RADIL: variants seen among roughly 807,000 people sequenced by gnomAD.
RADIL encodes the protein Rap associating with DIL domain, also known as ras-associating and dilute domain-containing protein.
Under a neutral mutation model 97.6 loss-of-function variants are expected in RADIL, and 99 were observed. That is an observed-to-expected ratio of 1.01 (90% CI 0.86 to 1.20). The LOEUF is 1.20. Among genes scored for constraint, RADIL ranks in the 50% most tolerant of loss-of-function variants. The pLI is 0.00. For missense variants in RADIL, 1,765 were observed against 1,498.9 expected (o/e 1.18, Z -2.93); for synonymous variants, 803 against 691.8 (o/e 1.16, Z -2.52).
intron 9 of RADIL, chr7:4,806,098 G>T: frequency 1.1e-6 from 1 of 946,354 alleles, no homozygotes; most frequent in Non-Finnish European, 1.3e-6. Context: ...AAACCTGCCT[G>T]GAAGGCAGGG....
intron 2 of RADIL, chr7:4,859,411 T>C (rs1783916630): frequency 6.4e-6 from 1 of 155,414 alleles, no homozygotes. Context: ...AGCTGAAAGG[T>C]TTTTTCATTT....
intron 5 of RADIL, among the ~76,000 whole-genome samples, chr7:4,828,869 A>G (rs1357706093): frequency 2.6e-5 from 4 of 151,438 alleles, no homozygotes; most frequent in South Asian, 2.1e-4. Flanking sequence ...CTTCCCGTCA[A>G]CGAGGAAGCT....
At chr7:4,811,709 G>A (rs953194839) in intron 9 of RADIL, among the ~76,000 whole-genome samples, 8 of 151,608 alleles carry the variant, frequency 5.3e-5, no homozygotes, top group Admixed American at 1.3e-4. Context: ...GGATGGTCTC[G>A]ATCTCCTGAC....
intron 8 of RADIL, among the ~76,000 whole-genome samples, 197 bp downstream of exon 8, chr7:4,816,031 C>G (rs1782669141): frequency 6.6e-6 from 1 of 152,192 alleles, no homozygotes; most frequent in African/African-American, 2.4e-5. Context: ...CGATGGGACC[C>G]TGGCTCCTAC....
intron 9 of RADIL, chr7:4,808,630 G>A: frequency 1.0e-6 from 1 of 985,110 alleles, no homozygotes; most frequent in Non-Finnish European, 1.2e-6. Flanking sequence ...CCGCGGCCCT[G>A]GTCTCTCCTT....
chr7:4,881,447 C>T (rs1469786065), intron 1 of RADIL, among the ~76,000 whole-genome samples: 1 of 138,582 alleles, frequency 7.2e-6, no homozygotes, highest in Non-Finnish European at 1.5e-5. Flanking sequence ...CAAAAATTGG[C>T]TGGGCATGGT....
At chr7:4,823,393 C>T (rs1209664945) in intron 5 of RADIL, among the ~76,000 whole-genome samples, 1 of 143,242 alleles carries the variant, frequency 7.0e-6, no homozygotes, top group Non-Finnish European at 1.5e-5. Context: ...TGCTCTTGAA[C>T]TCCTAGCCTT....
Position 4,797,569 on chromosome 7 carries a change from G to T in RADIL, c.*1809C>A, listed in dbSNP as rs1781956757. 6.6e-6 allele frequency: 1 copy of T among 152,106 alleles called. No individual in the cohort carries two copies. The highest frequency in any genetic ancestry group is 6.6e-5 in the Admixed American group (1 of 15,256). 9.4% of individuals were successfully genotyped at this position (152,106 alleles called of 1,614,324 possible). A position where few individuals can be genotyped will look rare whatever the true frequency, so the allele number is the denominator to read the frequency against. On this transcript the variant is annotated 3_prime_UTR_variant, in exon 15 of 15. Transcript: ENST00000399583. ...TACTCAACCCCCTTCCACCGTTAAG[G>T]CATCAAATCAGAGTCCAGGATCCTG...
rs1782042466 is a variant in RADIL at position 4,800,392 on chromosome 7, T to C, written c.2843-82A>G. 3 of 1,351,802 alleles carry C rather than the reference T, an allele frequency of 2.2e-6. No homozygotes were observed. In the South Asian group the frequency reaches 4.8e-5, roughly 22 times the overall value. 83.7% of individuals were successfully genotyped at this position (1,351,802 alleles called of 1,614,324 possible). Reference sequence around the variant, plus strand: ...AATGGGATGTCCTGGCCTGGCTGCCTCTGTAGGGCGTCAGGGATGGGATGG... The same window carrying C: ...AATGGGATGTCCTGGCCTGGCTGCCCCTGTAGGGCGTCAGGGATGGGATGG... On this transcript the variant is annotated intron_variant, in intron 12 of 14. Transcript: ENST00000399583.
rs187967228 is a variant in RADIL, at chr7:4,863,770, A to G, written c.535+13835T>C. On this transcript the variant is annotated intron_variant, in intron 2 of 14. Coordinates refer to ENST00000399583, the MANE Select transcript of RADIL (RefSeq NM_018059.5). ...AATGTGTCACCCTTTGAGGATTCCA[A>G]TTGTATTTGGAGGGGTCTCAATTCT... 1.2e-3 allele frequency among the ~76,000 whole-genome samples: 186 copies of G among 152,262 alleles called. 1 individual carries two copies. The highest frequency in any genetic ancestry group is 4.2e-3 in the African/African-American group (173 of 41,550).
intron 2 of RADIL, chr7:4,859,807 T>A (rs571403761): frequency 2.6e-6 from 2 of 754,884 alleles, no homozygotes; most frequent in South Asian, 3.7e-5. Flanking sequence ...AATGGAGTTG[T>A]ACTTGTCTTT....
rs780869370 is a variant in RADIL, at chr7:4,834,984, G to A, written c.1039C>T (p.Leu347=). 8 of 1,611,054 alleles carry A rather than the reference G, an allele frequency of 5.0e-6. No individual in the cohort carries two copies. Among genetic ancestry groups the A allele is most frequent in the Non-Finnish European group, 5.9e-6 (7 of 1,179,272 alleles). Residue 347 remains leucine (L), a synonymous_variant, in exon 4 of 15, where the codon CTG becomes TTG. Coordinates refer to ENST00000399583, the MANE Select transcript of RADIL (RefSeq NM_018059.5). The surrounding 1 kb of genome is among the most constrained non-coding windows in gnomAD (Gnocchi z 6.0). ...AATAGCAGCAGGTAGTAGAGCCCCA[G>A]GGAGAGCAGGTCCCCGTGGTGCAGC... ...VVLHHGDLLS[L]GLYYLLLFKD...
intron 2 of RADIL, among the ~76,000 whole-genome samples, chr7:4,863,863 C>G (rs1784076809): frequency 6.6e-6 from 1 of 152,196 alleles, no homozygotes; most frequent in African/African-American, 2.4e-5. Context: ...ACTTAAGTTT[C>G]TCAGTTTCCA....
intron 2 of RADIL, chr7:4,865,511 T>A: frequency 2.6e-6 from 2 of 783,404 alleles, no homozygotes; most frequent in Non-Finnish European, 2.4e-6. Flanking sequence ...TGTTAGCAAC[T>A]ATGCGCAGCC....
In RADIL at chr7:4,880,685, T is replaced by C. The variant is rs1784465366; in HGVS notation, c.-64-2482A>G. On this transcript the variant is annotated intron_variant, in intron 1 of 14. Coordinates refer to ENST00000399583, the MANE Select transcript of RADIL (RefSeq NM_018059.5). The surrounding 1 kb of genome is among the most constrained non-coding windows in gnomAD (Gnocchi z 4.5). ...CCAGGGTGCAAAGGCAAAGTGCAGGTGGTGGATGGTACAGCCTCTGCCACC... is the reference window on the plus strand; with the variant it reads ...CCAGGGTGCAAAGGCAAAGTGCAGGCGGTGGATGGTACAGCCTCTGCCACC... Among the ~76,000 whole-genome samples, 1 of 152,082 alleles carries C rather than the reference T, an allele frequency of 6.6e-6. No homozygotes were observed. The highest frequency in any genetic ancestry group is 2.4e-5 in the African/African-American group (1 of 41,408).
intron 2 of RADIL, chr7:4,858,746 GGT>G (rs1316498195): frequency 6.6e-6 from 1 of 152,374 alleles, no homozygotes; most frequent in Non-Finnish European, 1.5e-5. Flanking sequence ...GCTAAAATGT[GGT>G]GTTTCATCAT....
At chr7:4,830,786 G>T (rs994801994) in intron 5 of RADIL, among the ~76,000 whole-genome samples, 2 of 151,924 alleles carry the variant, frequency 1.3e-5, no homozygotes, top group Admixed American at 1.3e-4. Context: ...AGGCCGAGGC[G>T]GGTGGATCAC....
intron 11 of RADIL, among the ~76,000 whole-genome samples, chr7:4,803,275 C>A (rs549429445): frequency 1.7e-5 from 2 of 115,844 alleles, no homozygotes; most frequent in Non-Finnish European, 3.4e-5. Flanking sequence ...GCCCCCTCCC[C>A]GGGCACCTCG....
chr7:4,882,453 A>G (rs969478448), intron 1 of RADIL, among the ~76,000 whole-genome samples: 2 of 152,176 alleles, frequency 1.3e-5, no homozygotes, highest in African/African-American at 4.8e-5. Context: ...CTCTTAGAGA[A>G]TGTTTTCTCT....
Sources: gnomAD v4.1 joint callset for allele counts (sites outside exome capture counted in the v4.1 genomes callset) on GRCh38, gnomAD v4.1.1 for gene constraint, Gnocchi (gnomAD v3.1) non-coding constraint, MANE v1.5 for transcripts, NCBI Gene and HGNC (gene_info 2026-07-23, HGNC 2026-07-21) for gene names.